VTN: variants seen among roughly 807,000 people sequenced by gnomAD.
The protein encoded by VTN is vitronectin.
Under a neutral mutation model 55.9 loss-of-function variants are expected in VTN, and 45 were observed. The ratio of observed to expected loss-of-function variants is 0.80; its 90% CI spans 0.63 to 1.03. The LOEUF (loss-of-function observed/expected upper bound fraction) is 1.03, where lower values mean the gene tolerates loss of function less well. Ranked by LOEUF, VTN falls within the 50% of genes least tolerant of loss-of-function variation. VTN has a pLI of 0.00. For synonymous variants in VTN, 238 were observed against 242.3 expected (o/e 0.98, Z 0.17); for missense variants, 589 against 638.2 (o/e 0.92, Z 0.83).
Position 28,369,339 on chromosome 17 carries a change from C to T in VTN, c.619G>A (p.Asp207Asn), listed in dbSNP as rs368254328. ...RDVWGIEGPI[D>N]AAFTRINCQG... ...CAGTTGATGCGGGTGAAGGCGGCAT[C>T]GATGGGGCCCTCGATGCCCCAGACA... Residue 207 changes from aspartate to asparagine, a missense_variant, in exon 4 of 8, where the codon GAT becomes AAT. By Grantham distance (23) the Asp-to-Asn change is conservative. Coordinates refer to ENST00000226218, the MANE Select transcript of VTN (RefSeq NM_000638.4). The surrounding 1 kb of genome is among the most constrained non-coding windows in gnomAD (Gnocchi z 5.3). The T allele has an allele frequency of 9.3e-6, 15 of 1,607,302 alleles. No homozygotes were observed. The highest frequency in any genetic ancestry group is 8.0e-5 in the African/African-American group (6 of 74,792).
rs542206705 is a variant in VTN, at chr17:28,367,448, C to T, written c.1358G>A (p.Arg453Gln). 18 of 1,613,676 alleles carry T rather than the reference C, an allele frequency of 1.1e-5. No homozygotes were observed. The highest frequency in any genetic ancestry group is 4.0e-5 in the African/African-American group (3 of 75,008). The change falls in exon 8 of 8, where the codon CGA becomes CAA. Residue 453 changes from arginine (R) to glutamine (Q), a missense_variant. Physicochemically the swap from Arg to Gln is conservative, Grantham distance 43 (BLOSUM62 1). Around this residue, in one of 3 missense-constraint regions of VTN, gnomAD observed 334 missense variants for 328.2 expected, o/e 1.02. Coordinates refer to ENST00000226218, the MANE Select transcript of VTN (RefSeq NM_000638.4). ...GTAGGGAGGGTCCACAGTGTCCACT[C>T]GCCGTGTGCGAAGATTGACTCGGTA... ...KYYRVNLRTR[R>Q]VDTVDPPYPR...
At chr17:28,367,588 T>C in intron 7 of VTN, 107 bp from the exon 8 acceptor site, 2 of 1,401,396 alleles carry the variant, frequency 1.4e-6, no homozygotes, top group Non-Finnish European at 2.0e-6. Context: ...ACATCCATGA[T>C]GCAGCTAAGG....
At chr17:28,368,162 C>G in intron 6 of VTN, 103 bp from the exon 7 acceptor site, 1 of 1,059,970 alleles carries the variant, frequency 9.4e-7, no homozygotes, top group Non-Finnish European at 1.3e-6. Context: ...CAAAGACACA[C>G]AGCAGCGAAT....
In VTN at chr17:28,369,721, C is replaced by A; in HGVS notation, c.315G>T (p.Gln105His). The change falls in exon 3 of 8, where the codon CAG becomes CAT. Residue 105 changes from glutamine (Q) to histidine (H), a missense_variant. Gln to His is a conservative substitution (Grantham distance 24). Transcript: ENST00000226218. This position sits in a 1 kb window ranked among gnomAD's most constrained non-coding sequence, Gnocchi z 5.3. ...GTGTCTGCTCAGGATTCCCTTTGGACTGGGCCTGGAGGTCAGAGGTCAGGG... is the reference window on the plus strand; with the variant it reads ...GTGTCTGCTCAGGATTCCCTTTGGAATGGGCCTGGAGGTCAGAGGTCAGGG... ...GPSLTSDLQA[Q>H]SKGNPEQTPV... 6.2e-7 allele frequency: 1 copy of A among 1,613,928 alleles called. No homozygotes were observed. The highest frequency in any genetic ancestry group is 8.5e-7 in the Non-Finnish European group (1 of 1,180,022).
chr17:28,369,790 C>A lies in VTN; in HGVS notation c.246G>T (p.Glu82Asp). Residue 82 changes from glutamate (E) to aspartate (D), a missense_variant, in exon 3 of 8, where the codon GAG (glutamate) becomes GAT (aspartate). This residue lies in a region of VTN where 217 missense variants were observed against 241.3 expected (regional missense o/e 0.90). Transcript: ENST00000226218. This position sits in a 1 kb window ranked among gnomAD's most constrained non-coding sequence, Gnocchi z 5.3. ...CATGGACAGTGGCATTGTTTTTCTC[C>A]TCGCCATCGTCATAGACCGTGTACT... ...EDEYTVYDDG[E>D]EKNNATVHEQ... 6.2e-7 allele frequency: 1 copy of A among 1,614,066 alleles called. No homozygotes were observed. The highest frequency in any genetic ancestry group is 8.5e-7 in the Non-Finnish European group (1 of 1,180,024).
intron 7 of VTN, 73 bp from the exon 8 acceptor site, chr17:28,367,554 G>A (rs140474303): frequency 4.4e-5 from 65 of 1,463,204 alleles, no homozygotes; most frequent in Non-Finnish European, 5.6e-5. Context: ...AGAAGTCTAG[G>A]GTCTCTCCCA....
In VTN at chr17:28,369,244, A is replaced by G; in HGVS notation, c.669+45T>C. ...CTGTCCCTGGGAGCAATAGCTCTCA[A>G]ACCCTCCCTAGATGCTTTCTACCCT... On this transcript the variant is annotated intron_variant, in intron 4 of 7. Coordinates refer to ENST00000226218, the MANE Select transcript of VTN (RefSeq NM_000638.4). This position sits in a 1 kb window ranked among gnomAD's most constrained non-coding sequence, Gnocchi z 5.3. The G allele has an allele frequency of 6.5e-7, 1 of 1,537,958 alleles. No homozygotes were observed. Among genetic ancestry groups the G allele is most frequent in the Non-Finnish European group, 8.8e-7 (1 of 1,140,576 alleles).
At chr17:28,368,164 G>A (rs1209653312) in intron 6 of VTN, 105 bp from the exon 7 acceptor site, 2 of 975,656 alleles carry the variant, frequency 2.0e-6, no homozygotes, top group African/African-American at 1.6e-5. Context: ...AAGACACACA[G>A]CAGCGAATGG....
chr17:28,367,480 G>C lies in VTN; in HGVS notation c.1326C>G (p.Asp442Glu), dbSNP rs1231290133. The change falls in exon 8 of 8, where the codon GAC becomes GAG. Residue 442 changes from aspartate (D) to glutamate (E), a missense_variant and splice_region_variant. Physicochemically the swap from Asp to Glu is conservative, Grantham distance 45. This residue lies in a region of VTN where 334 missense variants were observed against 328.2 expected (regional missense o/e 1.02). Transcript: ENST00000226218. ...TGCGAAGATTGACTCGGTAGTACTT[G>C]TCTGGAAGAGAGGAAAGCAGAGGAT... ...PIQSVFFFSG[D>E]KYYRVNLRTR... is the part of the protein sequence containing the mutation. The C allele has an allele frequency of 6.2e-7, 1 of 1,612,878 alleles. No individual in the cohort carries two copies. Among genetic ancestry groups the C allele is most frequent in the Non-Finnish European group, 8.5e-7 (1 of 1,179,464 alleles).
intron 7 of VTN, 92 bp from the exon 8 acceptor site, chr17:28,367,573 A>C: frequency 7.0e-7 from 1 of 1,422,474 alleles, no homozygotes; most frequent in Non-Finnish European, 9.8e-7. Flanking sequence ...CAGAAGGGAA[A>C]GTGAACATCC....
At chr17:28,368,734 A>T in intron 5 of VTN, 61 bp from the exon 6 acceptor site, 1 of 1,609,542 alleles carries the variant, frequency 6.2e-7, no homozygotes. Context: ...GAGATCCCAG[A>T]GGCTGTTGAA....
In VTN at chr17:28,369,528, C is replaced by T. The variant is rs1555583619; in HGVS notation, c.508G>A (p.Gly170Ser). 3.1e-6 allele frequency: 5 copies of T among 1,606,964 alleles called. No individual in the cohort carries two copies. The highest frequency in any genetic ancestry group is 1.3e-5 in the African/African-American group (1 of 74,764). The part of the protein sequence containing the change: ...PFDAFTDLKN[G>S]SLFAFRGQYC... ...TCACCTCGGAAGGCAAAGAGGGAAC[C>T]GTTCTTGAGGTCGGTGAAGGCGTCG... The change falls in exon 3 of 8, where the codon GGT becomes AGT. Residue 170 changes from glycine to serine, a missense_variant. Gly to Ser is a moderately conservative substitution (Grantham distance 56). Transcript: ENST00000226218. The surrounding 1 kb of genome is among the most constrained non-coding windows in gnomAD (Gnocchi z 5.3).
Position 28,369,308 on chromosome 17 carries a change from C to T in VTN, c.650G>A (p.Gly217Glu). Residue 217 changes from glycine (G) to glutamate (E), a missense_variant, in exon 4 of 8, where the codon GGG (glycine) becomes GAG (glutamate). Coordinates refer to ENST00000226218, the MANE Select transcript of VTN (RefSeq NM_000638.4). This position sits in a 1 kb window ranked among gnomAD's most constrained non-coding sequence, Gnocchi z 5.3. ...DAAFTRINCQGKTYLFKGSQY... is the reference protein window; with the variant it reads ...DAAFTRINCQEKTYLFKGSQY... ...TGGCACCTTGAAGAGGTAGGTCTTC[C>T]CCTGACAGTTGATGCGGGTGAAGGC... 1 of 1,598,684 alleles carries T rather than the reference C, an allele frequency of 6.3e-7. No homozygotes were observed.
chr17:28,368,778 G>C, intron 5 of VTN, 94 bp downstream of exon 5: 2 of 1,610,768 alleles, frequency 1.2e-6, no homozygotes, highest in South Asian at 1.1e-5. Context: ...GGGGGTCAGG[G>C]GTGGGCACAT....
chr17:28,367,348 C>T lies in VTN; in HGVS notation c.*21G>A, dbSNP rs782467138. The T allele has an allele frequency of 4.2e-5, 64 of 1,536,414 alleles. No individual in the cohort carries two copies. The highest frequency in any genetic ancestry group is 1.8e-4 in the Middle Eastern group (1 of 5,654). On this transcript the variant is annotated 3_prime_UTR_variant, in exon 8 of 8. Coordinates refer to ENST00000226218, the MANE Select transcript of VTN (RefSeq NM_000638.4). ...TGGGAGGAGGGAGCTACAGAGGGCCCGGCCATGTGGGCTCTGACTCCTACA... is the reference window on the plus strand; with the variant it reads ...TGGGAGGAGGGAGCTACAGAGGGCCTGGCCATGTGGGCTCTGACTCCTACA...
intron 5 of VTN, 64 bp from the exon 6 acceptor site, chr17:28,368,737 C>T: frequency 6.2e-7 from 1 of 1,609,754 alleles, no homozygotes; most frequent in African/African-American, 1.3e-5. Flanking sequence ...ATCCCAGAGG[C>T]TGTTGAAGTT....
Position 28,369,223 on chromosome 17 carries a change from C to T in VTN, c.669+66G>A. The T allele has an allele frequency of 6.6e-7, 1 of 1,525,680 alleles. No homozygotes were observed. Among genetic ancestry groups the T allele is most frequent in the Non-Finnish European group, 8.8e-7 (1 of 1,135,986 alleles). The allele number at this position is 1,525,680 out of a possible 1,614,324, so 94.5% of individuals were successfully genotyped here. A position where few individuals can be genotyped will look rare whatever the true frequency, so the allele number is the denominator to read the frequency against. On this transcript the variant is annotated intron_variant, in intron 4 of 7. Coordinates refer to ENST00000226218, the MANE Select transcript of VTN (RefSeq NM_000638.4). The surrounding 1 kb of genome is among the most constrained non-coding windows in gnomAD (Gnocchi z 5.3). ...GGTCCAGCTTCCCTGTCCACCCTGT[C>T]CCTGGGAGCAATAGCTCTCAAACCC...
Position 28,367,890 on chromosome 17 carries a change from T to C in VTN, c.1149A>G (p.Arg383=). ...HRNRKGYRSQ[R]GHSRGRNQNS... The stretch of plus-strand genomic sequence containing the variant: ...TCTGGTTGCGGCCACGGCTGTGGCC[T>C]CGTTGTGAACGGTAGCCTTTGCGGT... The change falls in exon 7 of 8, where the codon CGA becomes CGG. Residue 383 remains arginine (R), a synonymous_variant. Coordinates refer to ENST00000226218, the MANE Select transcript of VTN (RefSeq NM_000638.4). The C allele has an allele frequency of 2.5e-6, 4 of 1,613,682 alleles. No individual in the cohort carries two copies. Among genetic ancestry groups the C allele is most frequent in the Non-Finnish European group, 3.4e-6 (4 of 1,179,772 alleles).
rs2067920218 is a variant in VTN at position 28,367,976 on chromosome 17, A to G, written c.1063T>C (p.Tyr355His). The change falls in exon 7 of 8, where the codon TAC becomes CAC. Residue 355 changes from tyrosine to histidine, a missense_variant. By Grantham distance (83) the Tyr-to-His change is moderately conservative. Coordinates refer to ENST00000226218, the MANE Select transcript of VTN (RefSeq NM_000638.4). ...QVDAAMAGRI[Y>H]ISGMAPRPSL... Reference sequence around the variant, plus strand: ...GGGCGGGGTGCCATGCCTGAGATGTAGATGCGGCCAGCCATGGCTGCGTCC... The same window carrying G: ...GGGCGGGGTGCCATGCCTGAGATGTGGATGCGGCCAGCCATGGCTGCGTCC... 6.3e-7 allele frequency: 1 copy of G among 1,595,894 alleles called. No homozygotes were observed. The highest frequency in any genetic ancestry group is 1.8e-5 in the Admixed American group (1 of 56,568).
Sources: allele counts gnomAD v4.1 joint callset, GRCh38; gene constraint gnomAD v4.1.1; regional missense constraint gnomAD v4.1.1; non-coding constraint Gnocchi (gnomAD v3.1); transcripts MANE v1.5; gene names NCBI Gene and HGNC (gene_info 2026-07-23, HGNC 2026-07-21).